Variants in KIAA1549L observed in about 807,000 individuals in gnomAD.
KIAA1549L encodes the protein KIAA1549 like.
In KIAA1549L, 88 loss-of-function variants were observed where a neutral mutation model predicts 160.7. The observed-to-expected ratio is 0.55, with a 90% CI of 0.46 to 0.65. The LOEUF (loss-of-function observed/expected upper bound fraction) is 0.65, where lower values mean the gene tolerates loss of function less well. Ranked by LOEUF, KIAA1549L falls within the 30% of genes least tolerant of loss-of-function variation. KIAA1549L has a pLI of 0.00. For synonymous variants in KIAA1549L, 950 were observed against 976.7 expected (o/e 0.97, Z 0.51); for missense variants, 2,258 against 2,437.5 (o/e 0.93, Z 1.55).
At chr11:33,410,811 A>G (rs575678001) in intron 1 of KIAA1549L, among the ~76,000 whole-genome samples, 69 of 152,314 alleles carry the variant, frequency 4.5e-4, no homozygotes, top group African/African-American at 1.6e-3. Context: ...CAAAACTAAA[A>G]GAAGGGATTT....
At chr11:33,434,987 G>A (rs1851325357) in intron 1 of KIAA1549L, among the ~76,000 whole-genome samples, 1 of 152,190 alleles carries the variant, frequency 6.6e-6, no homozygotes, top group African/African-American at 2.4e-5. Context: ...AATTGTCCAT[G>A]TATTCTTTTG....
chr11:33,649,524 A>ATG (rs1564941049), intron 17 of KIAA1549L, among the ~76,000 whole-genome samples: 38 of 150,132 alleles, frequency 2.5e-4, no homozygotes, highest in African/African-American at 8.8e-4. Flanking sequence ...AAAAAAAAAA[A>ATG]AAAGAAGCAG....
rs77286067 is a variant in KIAA1549L at position 33,552,934 on chromosome 11, G to A, written c.3855+693G>A. ...TCACGTCAATGCAGTGTAGAAATGG[G>A]GTCCTTAATGAAGCCTGTGTCAAAC... On this transcript the variant is annotated intron_variant, in intron 6 of 20. Transcript: ENST00000658780. Among the ~76,000 whole-genome samples, 788 of 152,104 alleles carry A rather than the reference G, an allele frequency of 5.2e-3. 4 individuals are homozygous for A. The highest frequency in any genetic ancestry group is 0.018 in the African/African-American group (732 of 41,484).
chr11:33,589,790 T>C (rs1382012230), intron 11 of KIAA1549L, among the ~76,000 whole-genome samples: 1 of 152,048 alleles, frequency 6.6e-6, no homozygotes, highest in Admixed American at 6.6e-5. Context: ...GGGATAGCAT[T>C]AGGAGGATAT....
chr11:33,395,453 CTCTT>C (rs777628138), intron 1 of KIAA1549L, among the ~76,000 whole-genome samples: 5 of 152,124 alleles, frequency 3.3e-5, no homozygotes, highest in East Asian at 1.9e-4. Flanking sequence ...TTCTGGAACT[CTCTT>C]TCATCTATAT....
chr11:33,588,013 G>T lies in KIAA1549L; in HGVS notation c.4567-3224G>T, dbSNP rs1447993093. Among the ~76,000 whole-genome samples, 3 of 152,294 alleles carry T rather than the reference G, an allele frequency of 2.0e-5. No individual in the cohort carries two copies. In the East Asian group the frequency reaches 5.8e-4, roughly 29 times the overall value. On this transcript the variant is annotated intron_variant, in intron 11 of 20. Coordinates refer to ENST00000658780, the MANE Select transcript of KIAA1549L (RefSeq NM_012194.3). ...CCAGCTCTGTGTCACATAGTCCTAG[G>T]TTCAAATGCTGACTCCATCACAGCT...
intron 1 of KIAA1549L, among the ~76,000 whole-genome samples, chr11:33,519,001 T>G (rs1228112744): frequency 6.6e-6 from 1 of 152,232 alleles, no homozygotes; most frequent in Non-Finnish European, 1.5e-5. Context: ...TCAGATTTTG[T>G]ATTTTTGGAT....
chr11:33,544,819 G>A lies in KIAA1549L; in HGVS notation c.2826G>A (p.Leu942=), dbSNP rs200865285. Residue 942 remains leucine, a synonymous_variant, in exon 3 of 21, where the codon TTG becomes TTA. Transcript: ENST00000658780. The stretch of plus-strand genomic sequence containing the variant: ...CAACAGCAGCAGCTGCCGTCACATT[G>A]TTTCTGAGGAAATCAAGTCCACCTG... The part of the protein sequence containing the change: ...VQPTAAAAVT[L]FLRKSSPPAL... 1.0e-4 allele frequency: 166 copies of A among 1,612,094 alleles called. No homozygotes were observed. The highest frequency in any genetic ancestry group is 1.3e-4 in the Non-Finnish European group (151 of 1,178,518).
intron 1 of KIAA1549L, among the ~76,000 whole-genome samples, chr11:33,435,818 G>GTGTGTGTGTATATATATATATATAGGTA: frequency 2.2e-5 from 1 of 45,324 alleles, no homozygotes; most frequent in South Asian, 9.2e-4. Context: ...ATATGTGTGT[G>GTGTGTGTGTATATATATATATATAGGTA]TATATATATA....
chr11:33,627,496 G>A (rs1035740571), intron 16 of KIAA1549L, among the ~76,000 whole-genome samples: 8 of 152,040 alleles, frequency 5.3e-5, no homozygotes, highest in Non-Finnish European at 1.0e-4. Flanking sequence ...GAGAGTGTAT[G>A]TGTCGAGGAA....
At chr11:33,629,262 T>C (rs1222241999) in intron 16 of KIAA1549L, among the ~76,000 whole-genome samples, 1 of 152,170 alleles carries the variant, frequency 6.6e-6, no homozygotes, top group African/African-American at 2.4e-5. Context: ...GACAATTATA[T>C]GTCTTGGAGT....
rs1194935293 is a variant in KIAA1549L at position 33,674,089 on chromosome 11, T to C, written c.*5935T>C. The stretch of plus-strand genomic sequence containing the variant: ...ATTGTAAAATAAAATGACAAAGGCT[T>C]TCATACCCCAAAACCTGCCTGTTTC... On this transcript the variant is annotated 3_prime_UTR_variant, in exon 21 of 21. Transcript: ENST00000658780. 6.6e-6 allele frequency: 1 copy of C among 152,204 alleles called. No homozygotes were observed. The highest frequency in any genetic ancestry group is 1.5e-5 in the Non-Finnish European group (1 of 68,034). 9.4% of individuals were successfully genotyped at this position (152,204 alleles called of 1,614,324 possible).
intron 1 of KIAA1549L, among the ~76,000 whole-genome samples, chr11:33,441,555 G>C (rs1359931789): frequency 1.3e-5 from 2 of 151,818 alleles, no homozygotes; most frequent in Admixed American, 6.6e-5. Flanking sequence ...AAATGTTCCT[G>C]TTTCTCCACA....
chr11:33,466,423 G>A (rs1453718053), intron 1 of KIAA1549L, among the ~76,000 whole-genome samples: 4 of 152,132 alleles, frequency 2.6e-5, no homozygotes, highest in African/African-American at 4.8e-5. Flanking sequence ...ATGAGATACC[G>A]TCTCACGCCA....
intron 1 of KIAA1549L, among the ~76,000 whole-genome samples, chr11:33,439,840 T>A (rs1179209757): frequency 6.6e-6 from 1 of 152,088 alleles, no homozygotes; most frequent in Non-Finnish European, 1.5e-5. Context: ...ATTTTCCGGG[T>A]ATGTCTTTCC....
chr11:33,423,174 T>C (rs541588282), intron 1 of KIAA1549L, among the ~76,000 whole-genome samples: 45 of 152,178 alleles, frequency 3.0e-4, no homozygotes, highest in Non-Finnish European at 6.2e-4. Flanking sequence ...AAAAATAAAC[T>C]CATACTAACT....
chr11:33,423,627 A>G (rs1388083090), intron 1 of KIAA1549L, among the ~76,000 whole-genome samples: 1 of 152,216 alleles, frequency 6.6e-6, no homozygotes, highest in Non-Finnish European at 1.5e-5. Flanking sequence ...CTTTCTACTC[A>G]ATGGGTGCCA....
At chr11:33,464,742 C>T (rs1292027563) in intron 1 of KIAA1549L, among the ~76,000 whole-genome samples, 1 of 152,124 alleles carries the variant, frequency 6.6e-6, no homozygotes, top group East Asian at 1.9e-4. Context: ...TCTTTGAGGG[C>T]TCTCCATGGT....
chr11:33,501,458 G>A (rs1057423349), intron 1 of KIAA1549L, among the ~76,000 whole-genome samples: 2 of 152,168 alleles, frequency 1.3e-5, no homozygotes. Context: ...ATTTATTCTA[G>A]TACTATTTGT....
Sources: allele counts gnomAD v4.1 joint callset (sites outside exome capture counted in the v4.1 genomes callset), GRCh38; gene constraint gnomAD v4.1.1; transcripts MANE v1.5; gene names NCBI Gene and HGNC (gene_info 2026-07-23, HGNC 2026-07-21).